TRIM43: variants seen among roughly 807,000 people sequenced by gnomAD.
TRIM43 encodes the protein tripartite motif containing 43.
A neutral mutation model predicts 27.7 loss-of-function variants in TRIM43; 12 were observed. The ratio of observed to expected loss-of-function variants is 0.43; its 90% CI spans 0.28 to 0.70. The LOEUF (loss-of-function observed/expected upper bound fraction) is 0.70. TRIM43 is among the 30% of genes least tolerant of loss of function. TRIM43 has a pLI of 0.17. For synonymous variants in TRIM43, 64 were observed against 121.9 expected (o/e 0.52, Z 3.13); for missense variants, 186 against 356.5 (o/e 0.52, Z 3.85).
In TRIM43 at chr2:95,592,680, T is replaced by A. The variant is rs554593116; in HGVS notation, c.-5+531T>A. Among the ~76,000 whole-genome samples the A allele has an allele frequency of 3.8e-3, 579 of 151,174 alleles. 8 individuals are homozygous for A. Among genetic ancestry groups the A allele is most frequent in the South Asian group, 0.023 (112 of 4,780 alleles). On this transcript the variant is annotated intron_variant, in intron 1 of 6. Coordinates refer to ENST00000272395, the MANE Select transcript of TRIM43 (RefSeq NM_138800.3). The stretch of plus-strand genomic sequence containing the variant: ...GCCACCGCGCCCGGCCTTTTTTTTT[T>A]AAATTTATATAAGTATTTTTAGAGA...
In TRIM43 at chr2:95,596,410, A is replaced by G; in HGVS notation, c.716A>G (p.Lys239Arg). 1.9e-6 allele frequency: 3 copies of G among 1,603,204 alleles called. No homozygotes were observed. The highest frequency in any genetic ancestry group is 2.6e-6 in the Non-Finnish European group (3 of 1,173,112). Reference protein sequence around the residue: ...MYQELMEMCHKPDVELLQDLG... With the variant: ...MYQELMEMCHRPDVELLQDLG... ...CAGGAACTAATGGAAATGTGTCATAAACCAGATGTGGAGCTGCTCCAGGTA... is the reference window on the plus strand; with the variant it reads ...CAGGAACTAATGGAAATGTGTCATAGACCAGATGTGGAGCTGCTCCAGGTA... Residue 239 changes from lysine (K) to arginine (R), a missense_variant, in exon 4 of 7, where the codon AAA becomes AGA. Lys to Arg is a conservative substitution (Grantham distance 26). Around this residue, in one of 6 missense-constraint regions of TRIM43, gnomAD observed 20 missense variants for 30.4 expected, o/e 0.66. Transcript: ENST00000272395.
intron 3 of TRIM43, among the ~76,000 whole-genome samples, chr2:95,595,412 T>G (rs553396564): frequency 2.9e-4 from 44 of 151,798 alleles, no homozygotes; most frequent in African/African-American, 6.5e-4. Context: ...TGTATAAAAT[T>G]AATTATGAAA....
At chr2:95,596,172 A>G (rs1410992143) in intron 3 of TRIM43, 30 bp from the exon 4 acceptor site, 1 of 1,605,474 alleles carries the variant, frequency 6.2e-7, no homozygotes, top group Non-Finnish European at 8.5e-7. Flanking sequence ...AGGCCTGGGT[A>G]TATAACCTAC....
intron 1 of TRIM43, among the ~76,000 whole-genome samples, 193 bp downstream of exon 1, chr2:95,592,342 TG>T (rs1394508850): frequency 2.4e-4 from 36 of 151,754 alleles, no homozygotes; most frequent in Non-Finnish European, 4.7e-4. Context: ...GGATTAAACA[TG>T]GGCCACCATG....
At position 95,594,159 on chromosome 2, in the gene TRIM43, G is replaced by A; in HGVS notation, c.136G>A (p.Ala46Thr). ...CTGTCTCTGCCTTTCGTGGGAGGAA[G>A]CCCAAAGTCCTGCAAACTGCCCTGC... Reference protein sequence around the residue: ...RPCLCLSWEEAQSPANCPACR... With the variant: ...RPCLCLSWEETQSPANCPACR... The change falls in exon 2 of 7, where the codon GCC (alanine) becomes ACC (threonine). Residue 46 changes from alanine to threonine, a missense_variant. Coordinates refer to ENST00000272395, the MANE Select transcript of TRIM43 (RefSeq NM_138800.3). 2 of 1,612,444 alleles carry A rather than the reference G, an allele frequency of 1.2e-6. No homozygotes were observed. Among genetic ancestry groups the A allele is most frequent in the Non-Finnish European group, 1.7e-6 (2 of 1,179,430 alleles).
At chr2:95,592,670 C>CTTTTTTTTTT (rs1047424060) in intron 1 of TRIM43, among the ~76,000 whole-genome samples, 30 of 147,544 alleles carry the variant, frequency 2.0e-4, no homozygotes, top group Non-Finnish European at 3.9e-4. Flanking sequence ...CGCGCCCGGC[C>CTTTTTTTTTT]TTTTTTTTTT....
In TRIM43 at chr2:95,593,125, G is replaced by A. The variant is rs1389172217; in HGVS notation, c.-4-895G>A. Among the ~76,000 whole-genome samples, 4 of 151,708 alleles carry A rather than the reference G, an allele frequency of 2.6e-5. No individual in the cohort carries two copies. The South Asian group carries it at 6.2e-4, about 24-fold the overall frequency. On this transcript the variant is annotated intron_variant, in intron 1 of 6. Coordinates refer to ENST00000272395, the MANE Select transcript of TRIM43 (RefSeq NM_138800.3). ...TGTTAGCCAGGATGGTCTTGAGCTC[G>A]TGACATCGTGATCTGCCTGCCTCAG...
intron 1 of TRIM43, among the ~76,000 whole-genome samples, chr2:95,592,518 G>A (rs1409494806): frequency 9.3e-5 from 14 of 151,234 alleles, no homozygotes; most frequent in Non-Finnish European, 1.9e-4. Context: ...ATAGCCGCCT[G>A]CCACCACGCC....
intron 4 of TRIM43, 126 bp downstream of exon 4, chr2:95,596,558 G>A: frequency 3.7e-6 from 5 of 1,347,650 alleles, no homozygotes; most frequent in Non-Finnish European, 4.0e-6. Flanking sequence ...ATTCCCACCG[G>A]TTATAGAGAT....
chr2:95,593,041 C>G (rs550358914), intron 1 of TRIM43, among the ~76,000 whole-genome samples: 9 of 151,686 alleles, frequency 5.9e-5, no homozygotes, highest in Non-Finnish European at 1.0e-4. Flanking sequence ...GGACTACAGG[C>G]GTCCTCCACC....
Position 95,594,384 on chromosome 2 carries a change from C to T in TRIM43, c.361C>T (p.His121Tyr), listed in dbSNP as rs563601005. ...LCLLCSNSQEHGAHKHHPIEE... is the reference protein window; with the variant it reads ...LCLLCSNSQEYGAHKHHPIEE... ...CTTGCTGTGCTCCAACTCTCAGGAGCACGGGGCTCACAAACACCATCCCAT... is the reference window on the plus strand; with the variant it reads ...CTTGCTGTGCTCCAACTCTCAGGAGTACGGGGCTCACAAACACCATCCCAT... Residue 121 changes from histidine to tyrosine, a missense_variant, in exon 2 of 7, where the codon CAC becomes TAC. Physicochemically the swap from His to Tyr is moderately conservative, Grantham distance 83. Coordinates refer to ENST00000272395, the MANE Select transcript of TRIM43 (RefSeq NM_138800.3). 9.3e-6 allele frequency: 15 copies of T among 1,610,880 alleles called. No individual in the cohort carries two copies. The African/African-American group carries it at 1.7e-4, about 19-fold the overall frequency.
chr2:95,592,376 T>C (rs1244247729), intron 1 of TRIM43, among the ~76,000 whole-genome samples: 1 of 151,684 alleles, frequency 6.6e-6, no homozygotes, highest in Admixed American at 6.6e-5. Context: ...TTTATTTGTT[T>C]ATTTATTTAT....
chr2:95,593,025 T>C (rs1220979658), intron 1 of TRIM43, among the ~76,000 whole-genome samples: 1 of 151,312 alleles, frequency 6.6e-6, no homozygotes. Flanking sequence ...GCCTCCAGAG[T>C]AGCTGGGACT....
Position 95,596,229 on chromosome 2 carries a change from A to G in TRIM43, c.535A>G (p.Ile179Val), listed in dbSNP as rs1228959851. Residue 179 changes from isoleucine (I) to valine (V), a missense_variant, in exon 4 of 7, where the codon ATC (isoleucine) becomes GTC (valine). Coordinates refer to ENST00000272395, the MANE Select transcript of TRIM43 (RefSeq NM_138800.3). The part of the protein sequence containing the change: ...RGNVVLRAQM[I>V]RNEYRKLHPV... ...CAATGTGGTTTTACGGGCACAGATG[A>G]TCAGGAATGAGTATAGGAAGCTGCA... The G allele has an allele frequency of 5.0e-6, 8 of 1,610,698 alleles. No individual in the cohort carries two copies. Among genetic ancestry groups the G allele is most frequent in the Non-Finnish European group, 6.8e-6 (8 of 1,178,730 alleles).
chr2:95,596,798 C>CAAAAG (rs1685361996), intron 4 of TRIM43, among the ~76,000 whole-genome samples: 1 of 68,720 alleles, frequency 1.5e-5, no homozygotes, highest in African/African-American at 5.7e-5. Context: ...TCACACCTTT[C>CAAAAG]TCTCTCACTC....
At position 95,599,469 on chromosome 2, in the gene TRIM43, A is replaced by G. The variant is rs1685368254; in HGVS notation, c.1237A>G (p.Ser413Gly). 1.0e-6 allele frequency: 1 copy of G among 960,138 alleles called. No individual in the cohort carries two copies. Among genetic ancestry groups the G allele is most frequent in the Admixed American group, 3.1e-5 (1 of 32,182 alleles). 59.5% of individuals were successfully genotyped at this position (960,138 alleles called of 1,614,324 possible). ...TGTGTTTCTTGATTTTGAAAGTGGA[A>G]GTGTGAGTTTTTTGAATGTCACCAA... Reference protein sequence around the residue: ...VGVFLDFESGSVSFLNVTKSS... With the variant: ...VGVFLDFESGGVSFLNVTKSS... Residue 413 changes from serine (S) to glycine (G), a missense_variant, in exon 7 of 7, where the codon AGT becomes GGT. Around this residue, in one of 6 missense-constraint regions of TRIM43, gnomAD observed 4 missense variants for 64.7 expected, o/e 0.06. Coordinates refer to ENST00000272395, the MANE Select transcript of TRIM43 (RefSeq NM_138800.3).
Position 95,592,277 on chromosome 2 carries a change from A to G in TRIM43, c.-5+128A>G, listed in dbSNP as rs967653710. 4.0e-5 allele frequency: 6 copies of G among 151,896 alleles called. 1 individual carries two copies. The highest frequency in any genetic ancestry group is 9.7e-5 in the African/African-American group (4 of 41,330). The allele number at this position is 151,896 out of a possible 1,614,324, so 9.4% of individuals were successfully genotyped here. A position where few individuals can be genotyped will look rare whatever the true frequency, so the allele number is the denominator to read the frequency against. ...GAAATGATCTCATTTTCTGAGTTTT[A>G]AAAACGGCTCCATTTCTTTTTTAAA... is the stretch of plus-strand genomic sequence containing the variant. On this transcript the variant is annotated intron_variant, in intron 1 of 6. Coordinates refer to ENST00000272395, the MANE Select transcript of TRIM43 (RefSeq NM_138800.3).
At chr2:95,594,467 G>A in intron 2 of TRIM43, 33 bp downstream of exon 2, 1 of 1,599,032 alleles carries the variant, frequency 6.3e-7, no homozygotes, top group Non-Finnish European at 8.5e-7. Context: ...CCTGAAAGCT[G>A]GAGGGTGGCA....
intron 3 of TRIM43, among the ~76,000 whole-genome samples, chr2:95,595,392 CAG>C (rs1400244656): frequency 3.3e-5 from 5 of 151,522 alleles, no homozygotes; most frequent in African/African-American, 4.9e-5. Flanking sequence ...GTATTTCAGA[CAG>C]AGTTTTCTGT....
Sources: allele counts gnomAD v4.1 joint callset (sites outside exome capture counted in the v4.1 genomes callset), GRCh38; gene constraint gnomAD v4.1.1; regional missense constraint gnomAD v4.1.1; transcripts MANE v1.5; gene names NCBI Gene and HGNC (gene_info 2026-07-23, HGNC 2026-07-21).